Variants in SCAPER observed in about 807,000 individuals in gnomAD.
SCAPER encodes the protein S-phase cyclin A associated protein in the ER, also known as S phase cyclin A-associated protein in the endoplasmic reticulum.
SCAPER carries 98 observed loss-of-function variants against 182.2 expected under a neutral mutation model. The observed-to-expected ratio is 0.54, with a 90% confidence interval of 0.46 to 0.64. The LOEUF is 0.64. Among genes scored for constraint, SCAPER ranks in the 30% least tolerant of loss-of-function variants. The pLI is 0.00. For missense variants in SCAPER, 1,432 were observed against 1,690.0 expected, an observed-to-expected ratio of 0.85 and a Z score of 2.68; for synonymous variants, 605 against 564.6, an observed-to-expected ratio of 1.07 and a Z score of -1.01.
rs1024010923 is a variant in SCAPER, at chr15:76,759,925, T to C, written c.1725+5036A>G. 4.6e-5 allele frequency among the ~76,000 whole-genome samples: 7 copies of C among 152,178 alleles called. No homozygotes were observed. In the South Asian group the frequency reaches 1.5e-3, roughly 32 times the overall value. On this transcript the variant is annotated intron_variant, in intron 14 of 31. Coordinates refer to ENST00000563290, the MANE Select transcript of SCAPER (RefSeq NM_020843.4). Reference sequence around the variant, plus strand: ...GGAATACCGGTCTGTAGTTTTCCCCTTTCTTGTGTTTCTATCTAGATTTGG... The same window carrying C: ...GGAATACCGGTCTGTAGTTTTCCCCCTTCTTGTGTTTCTATCTAGATTTGG...
Position 76,637,588 on chromosome 15 carries a change from C to T in SCAPER, c.2646-15759G>A, listed in dbSNP as rs547368496. Among the ~76,000 whole-genome samples, 8 of 151,760 alleles carry T rather than the reference C, an allele frequency of 5.3e-5. No individual in the cohort carries two copies. The East Asian group carries it at 1.5e-3, about 29-fold the overall frequency. The stretch of plus-strand genomic sequence containing the variant: ...AGGTATGGTGGTGCGTGCCTGTAGT[C>T]CTAGCTTCTTGGGAGGCTGAGGCAG... On this transcript the variant is annotated intron_variant, in intron 21 of 31. Coordinates refer to ENST00000563290, the MANE Select transcript of SCAPER (RefSeq NM_020843.4).
chr15:76,624,953 T>G (rs2052432781), intron 21 of SCAPER, among the ~76,000 whole-genome samples: 1 of 152,088 alleles, frequency 6.6e-6, no homozygotes. Flanking sequence ...CTCATGTTGT[T>G]GGTGGTAGCC....
At chr15:76,419,448 C>T (rs973938805) in intron 26 of SCAPER, among the ~76,000 whole-genome samples, 5 of 152,054 alleles carry the variant, frequency 3.3e-5, no homozygotes, top group East Asian at 1.9e-4. Context: ...CGGCCGGGCA[C>T]GGTGGCTCAT....
At chr15:76,590,807 C>T (rs924526959) in intron 22 of SCAPER, among the ~76,000 whole-genome samples, 4 of 152,106 alleles carry the variant, frequency 2.6e-5, no homozygotes, top group African/African-American at 9.7e-5. Flanking sequence ...CAACAGATGA[C>T]TGGATAAAGA....
At chr15:76,415,000 T>C (rs977814585) in intron 26 of SCAPER, among the ~76,000 whole-genome samples, 2 of 152,218 alleles carry the variant, frequency 1.3e-5, no homozygotes, top group African/African-American at 4.8e-5. Flanking sequence ...ATGGCTTCAT[T>C]TTCTACAACT....
In SCAPER at chr15:76,402,399, G is replaced by A. The variant is rs1054766053; in HGVS notation, c.3467+2125C>T. 6.6e-5 allele frequency among the ~76,000 whole-genome samples: 10 copies of A among 152,124 alleles called. No homozygotes were observed. The East Asian group carries it at 1.2e-3, about 18-fold the overall frequency. ...CAGAAAGCCATTGGCAGATGACCAC[G>A]TGAACCAAAGGCACCAATAACATCT... On this transcript the variant is annotated intron_variant, in intron 27 of 31. Coordinates refer to ENST00000563290, the MANE Select transcript of SCAPER (RefSeq NM_020843.4).
chr15:76,764,565 T>A (rs1379812327), intron 14 of SCAPER, among the ~76,000 whole-genome samples: 1 of 152,140 alleles, frequency 6.6e-6, no homozygotes, highest in Non-Finnish European at 1.5e-5. Flanking sequence ...TGGCTGCAGA[T>A]ACATAAACAG....
At chr15:76,608,876 C>A (rs975571388) in intron 22 of SCAPER, among the ~76,000 whole-genome samples, 26 of 152,090 alleles carry the variant, frequency 1.7e-4, no homozygotes, top group Admixed American at 1.5e-3. Context: ...GTTGGAAAAG[C>A]GCAGTATTAG....
intron 26 of SCAPER, among the ~76,000 whole-genome samples, chr15:76,414,907 T>C (rs1165115682): frequency 1.3e-5 from 2 of 152,204 alleles, no homozygotes; most frequent in Non-Finnish European, 2.9e-5. Context: ...GTTTATTTGA[T>C]AGAATTTGCT....
chr15:76,722,859 T>C (rs56339024), intron 17 of SCAPER, among the ~76,000 whole-genome samples: 51,034 of 151,928 alleles, frequency 0.34, 8,821 homozygotes, highest in East Asian at 0.55. Context: ...TCGATTTTGC[T>C]GATCTTTTAA....
chr15:76,774,464 TAAATAATACATAGATATCAAATTCTCC>T (rs1171724715), intron 9 of SCAPER: 1 of 347,096 alleles, frequency 2.9e-6, no homozygotes, highest in African/African-American at 2.2e-5. Flanking sequence ...GACTATAAAT[TAAATAATACATAGATATCAAATTCTCC>T]AAATTTTATA....
chr15:76,479,594 A>G (rs960606099), intron 24 of SCAPER, among the ~76,000 whole-genome samples: 6 of 152,354 alleles, frequency 3.9e-5, no homozygotes, highest in South Asian at 2.1e-4. Context: ...TCTTTTGACA[A>G]TAAGTGCAGG....
intron 14 of SCAPER, among the ~76,000 whole-genome samples, chr15:76,762,212 G>A (rs982807445): frequency 1.6e-4 from 24 of 152,072 alleles, no homozygotes; most frequent in African/African-American, 5.8e-4. Flanking sequence ...GCCACTCTAT[G>A]CCCTTTGATT....
At chr15:76,493,801 T>C (rs1439759242) in intron 24 of SCAPER, among the ~76,000 whole-genome samples, 1 of 152,200 alleles carries the variant, frequency 6.6e-6, no homozygotes, top group Admixed American at 6.5e-5. Context: ...TTTAATCTTA[T>C]TAGTGGTACA....
intron 23 of SCAPER, among the ~76,000 whole-genome samples, chr15:76,519,441 C>T (rs1433199897): frequency 6.6e-6 from 1 of 152,126 alleles, no homozygotes; most frequent in Admixed American, 6.5e-5. Context: ...CATATTTTAT[C>T]AGGGGAATCA....
intron 17 of SCAPER, among the ~76,000 whole-genome samples, chr15:76,720,168 G>C (rs1182047936): frequency 6.8e-6 from 1 of 147,914 alleles, no homozygotes; most frequent in Non-Finnish European, 1.5e-5. Flanking sequence ...CTATGAGTGA[G>C]AACATGTGGT....
At chr15:76,553,233 G>C (rs550276474) in intron 23 of SCAPER, among the ~76,000 whole-genome samples, 2 of 152,318 alleles carry the variant, frequency 1.3e-5, no homozygotes, top group African/African-American at 4.8e-5. Context: ...GCATGCTGCT[G>C]CATTGCAAGT....
At chr15:76,563,866 T>C (rs1421916711) in intron 23 of SCAPER, among the ~76,000 whole-genome samples, 2 of 152,062 alleles carry the variant, frequency 1.3e-5, no homozygotes, top group Admixed American at 6.6e-5. Flanking sequence ...CATATGCAAA[T>C]AAATAAATGT....
chr15:76,685,017 G>T lies in SCAPER; in HGVS notation c.2508+16741C>A, dbSNP rs117040872. Among the ~76,000 whole-genome samples, 573 of 151,948 alleles carry T rather than the reference G, an allele frequency of 3.8e-3. 15 individuals carry two copies. In the East Asian group the frequency reaches 0.05, roughly 13 times the overall value. On this transcript the variant is annotated intron_variant, in intron 20 of 31. Transcript: ENST00000563290. The stretch of plus-strand genomic sequence containing the variant: ...TAGTAGTGAACAGAATATTAGCAAA[G>T]AATACATAAAAAAGATAATATACCA...
Sources: gnomAD v4.1 joint callset for allele counts (sites outside exome capture counted in the v4.1 genomes callset) on GRCh38, gnomAD v4.1.1 for gene constraint, MANE v1.5 for transcripts, NCBI Gene and HGNC (gene_info 2026-07-23, HGNC 2026-07-21) for gene names.